SLCO5A1: variants seen among roughly 807,000 people sequenced by gnomAD.
SLCO5A1 encodes organic anion transporter polypeptide-related protein 4.
SLCO5A1 carries 39 observed loss-of-function variants against 65.1 expected under a neutral mutation model. The observed-to-expected ratio is 0.60, with a 90% CI of 0.46 to 0.78. SLCO5A1 has a LOEUF of 0.78. Among genes scored for constraint, SLCO5A1 ranks in the 30% least tolerant of loss-of-function variants. The pLI is 0.00. For synonymous variants in SLCO5A1, 438 were observed against 415.7 expected (o/e 1.05, Z -0.65); for missense variants, 1,029 against 1,069.4 (o/e 0.96, Z 0.53).
At chr8:69,784,905 AG>A (rs1312772649) in intron 2 of SLCO5A1, among the ~76,000 whole-genome samples, 2 of 81,622 alleles carry the variant, frequency 2.5e-5, no homozygotes, top group East Asian at 5.7e-4. Flanking sequence ...GAAGAAAGAA[AG>A]AAAGAAAGAA....
intron 2 of SLCO5A1, among the ~76,000 whole-genome samples, chr8:69,762,348 A>G (rs369173057): frequency 6.7e-4 from 102 of 151,828 alleles, no homozygotes; most frequent in African/African-American, 2.2e-3. Flanking sequence ...CACCACACCC[A>G]GCTAATTTTT....
In SLCO5A1 at chr8:69,760,872, C is replaced by T. The variant is rs189844561; in HGVS notation, c.1040+871G>A. Among the ~76,000 whole-genome samples the T allele has an allele frequency of 3.9e-5, 6 of 152,104 alleles. No homozygotes were observed. In the East Asian group the frequency reaches 7.7e-4, roughly 20 times the overall value. ...TCCAGGACAATTAAGTCCTAGCAAG[C>T]GAGAAAGCAGCTAAATCTCTAGCAC... On this transcript the variant is annotated intron_variant, in intron 3 of 9. Coordinates refer to ENST00000260126, the MANE Select transcript of SLCO5A1 (RefSeq NM_030958.3).
At chr8:69,793,343 A>ACACAAAT (rs1408815412) in intron 2 of SLCO5A1, among the ~76,000 whole-genome samples, 2 of 152,088 alleles carry the variant, frequency 1.3e-5, no homozygotes, top group Admixed American at 6.6e-5. Flanking sequence ...AGTTCAGTGC[A>ACACAAAT]CACAAATTTG....
chr8:69,692,340 G>A (rs1814299597), intron 6 of SLCO5A1, among the ~76,000 whole-genome samples: 1 of 152,202 alleles, frequency 6.6e-6, no homozygotes, highest in South Asian at 2.1e-4. Context: ...TTTGCTCTGG[G>A]TGAGTGAATG....
intron 4 of SLCO5A1, among the ~76,000 whole-genome samples, chr8:69,752,434 G>GT (rs2130856304): frequency 9.6e-5 from 1 of 10,382 alleles, no homozygotes; most frequent in East Asian, 2.3e-3. Context: ...TCTCAGCTTT[G>GT]TTAAAAAAAA....
chr8:69,708,923 A>T (rs976778226), intron 5 of SLCO5A1, among the ~76,000 whole-genome samples: 1 of 151,958 alleles, frequency 6.6e-6, no homozygotes, highest in South Asian at 2.1e-4. Flanking sequence ...AAAGAAGAAA[A>T]CCAAGAAACC....
chr8:69,672,597 C>T lies in SLCO5A1; in HGVS notation c.*272G>A, dbSNP rs867077565. ...GCTAACCGTGTACCTCAGCCTGTACCGTAGGGGAGCATGAGCTTTGAATTA... is the reference window on the plus strand; with the variant it reads ...GCTAACCGTGTACCTCAGCCTGTACTGTAGGGGAGCATGAGCTTTGAATTA... On this transcript the variant is annotated 3_prime_UTR_variant, in exon 10 of 10. Coordinates refer to ENST00000260126, the MANE Select transcript of SLCO5A1 (RefSeq NM_030958.3). The T allele has an allele frequency of 1.1e-5, 5 of 454,456 alleles. No homozygotes were observed. The highest frequency in any genetic ancestry group is 3.2e-5 in the South Asian group (1 of 31,610). 28.2% of individuals were successfully genotyped at this position (454,456 alleles called of 1,614,324 possible). A position where few individuals can be genotyped will look rare whatever the true frequency, so the allele number is the denominator to read the frequency against.
intron 5 of SLCO5A1, among the ~76,000 whole-genome samples, chr8:69,711,316 C>T (rs978117323): frequency 2.0e-5 from 3 of 152,048 alleles, no homozygotes; most frequent in Admixed American, 2.0e-4. Flanking sequence ...GCGCCTCTCA[C>T]CACTGCGCAC....
intron 4 of SLCO5A1, among the ~76,000 whole-genome samples, chr8:69,752,588 T>G (rs543472853): frequency 7.2e-5 from 11 of 152,358 alleles, no homozygotes; most frequent in Admixed American, 5.9e-4. Context: ...AATGAATTAA[T>G]TTTAAATATT....
At chr8:69,807,650 G>A (rs934442526) in intron 2 of SLCO5A1, among the ~76,000 whole-genome samples, 2 of 152,238 alleles carry the variant, frequency 1.3e-5, no homozygotes, top group Admixed American at 6.5e-5. Flanking sequence ...TTAATGTAAC[G>A]TCCTCTAGGT....
intron 2 of SLCO5A1, among the ~76,000 whole-genome samples, chr8:69,785,493 A>G (rs1819012906): frequency 6.6e-6 from 1 of 152,230 alleles, no homozygotes; most frequent in African/African-American, 2.4e-5. Flanking sequence ...CAGAAAAGGA[A>G]GAAGAGAATG....
intron 5 of SLCO5A1, among the ~76,000 whole-genome samples, chr8:69,711,056 G>C (rs1815222930): frequency 6.6e-6 from 1 of 152,234 alleles, no homozygotes; most frequent in Non-Finnish European, 1.5e-5. Flanking sequence ...AGCAGCTCTA[G>C]TAGTTCCGGG....
chr8:69,799,646 C>G (rs1246466407), intron 2 of SLCO5A1, among the ~76,000 whole-genome samples: 1 of 152,166 alleles, frequency 6.6e-6, no homozygotes, highest in Non-Finnish European at 1.5e-5. Context: ...GGGGAGGTCT[C>G]AAGAAACTTA....
At chr8:69,760,736 T>A (rs1417908500) in intron 3 of SLCO5A1, among the ~76,000 whole-genome samples, 2 of 152,318 alleles carry the variant, frequency 1.3e-5, no homozygotes. Flanking sequence ...AAATAACTTA[T>A]CATGTTCAAG....
intron 7 of SLCO5A1, among the ~76,000 whole-genome samples, chr8:69,681,780 T>A (rs1397414733): frequency 6.6e-6 from 1 of 152,182 alleles, no homozygotes; most frequent in African/African-American, 2.4e-5. Flanking sequence ...TCACCCATCT[T>A]CACAGACTCC....
intron 5 of SLCO5A1, among the ~76,000 whole-genome samples, chr8:69,709,592 T>C (rs958597992): frequency 1.3e-5 from 2 of 152,246 alleles, no homozygotes; most frequent in African/African-American, 4.8e-5. Flanking sequence ...GGAACAAATA[T>C]ACACTGATTG....
intron 7 of SLCO5A1, among the ~76,000 whole-genome samples, chr8:69,680,245 G>A (rs1813710869): frequency 6.6e-6 from 1 of 152,132 alleles, no homozygotes; most frequent in African/African-American, 2.4e-5. Flanking sequence ...CCCAAATCAT[G>A]AGCATAGTTC....
intron 5 of SLCO5A1, among the ~76,000 whole-genome samples, chr8:69,708,030 G>A (rs1815053807): frequency 6.6e-6 from 1 of 152,160 alleles, no homozygotes; most frequent in Non-Finnish European, 1.5e-5. Flanking sequence ...GTTCCAACAA[G>A]ACGGTGCAGA....
chr8:69,828,541 C>A (rs1160150107), intron 2 of SLCO5A1, among the ~76,000 whole-genome samples: 1 of 151,704 alleles, frequency 6.6e-6, no homozygotes, highest in South Asian at 2.1e-4. Context: ...GGCGGAGCTT[C>A]CAGTGAGCCG....
Sources: allele counts gnomAD v4.1 joint callset (sites outside exome capture counted in the v4.1 genomes callset), GRCh38; gene constraint gnomAD v4.1.1; transcripts MANE v1.5; gene names NCBI Gene and HGNC (gene_info 2026-07-23, HGNC 2026-07-21).